COG5: variants seen among roughly 807,000 people sequenced by gnomAD.
COG5 encodes component of oligomeric golgi complex 5, also known as conserved oligomeric Golgi complex subunit 5.
Under a neutral mutation model 110.4 loss-of-function variants are expected in COG5, and 86 were observed. The ratio of observed to expected loss-of-function variants is 0.78; its 90% confidence interval spans 0.65 to 0.93. The LOEUF (loss-of-function observed/expected upper bound fraction) is 0.93, where lower values mean the gene tolerates loss of function less well. COG5 is among the 40% of genes least tolerant of loss of function. The pLI, the probability that COG5 is intolerant of heterozygous loss-of-function variation, is 0.00. For synonymous variants in COG5, 360 were observed against 334.6 expected (o/e 1.08, Z -0.83); for missense variants, 1,077 against 987.0 (o/e 1.09, Z -1.22).
In COG5 at chr7:107,305,090, C is replaced by T. The variant is rs549789909; in HGVS notation, c.1109-6744G>A. 2.0e-5 allele frequency among the ~76,000 whole-genome samples: 3 copies of T among 152,292 alleles called. No individual in the cohort carries two copies. In the South Asian group the frequency reaches 6.2e-4, roughly 32 times the overall value. On this transcript the variant is annotated intron_variant, in intron 11 of 21. Coordinates refer to ENST00000297135, the MANE Select transcript of COG5 (RefSeq NM_006348.5). Reference sequence around the variant, plus strand: ...CAGACAGGATGTGCTATTTTATGTACTTACCTGGGAGGACCTCTCTGAATG... The same window carrying T: ...CAGACAGGATGTGCTATTTTATGTATTTACCTGGGAGGACCTCTCTGAATG...
chr7:107,250,681 G>T (rs1420551904), intron 16 of COG5, among the ~76,000 whole-genome samples: 1 of 151,894 alleles, frequency 6.6e-6, no homozygotes, highest in Non-Finnish European at 1.5e-5. Context: ...TCAGTAGAGT[G>T]AATGAAAATG....
At chr7:107,250,165 G>A (rs1404292937) in intron 16 of COG5, among the ~76,000 whole-genome samples, 1 of 152,120 alleles carries the variant, frequency 6.6e-6, no homozygotes. Context: ...ACAACTATAA[G>A]GCCACGGCAG....
chr7:107,365,596 C>CAAAAAAAAAAAAAAAAA (rs71134263), intron 8 of COG5, among the ~76,000 whole-genome samples: 9 of 36,702 alleles, frequency 2.5e-4, no homozygotes, highest in Non-Finnish European at 3.5e-4. Context: ...TGCAAAATGA[C>CAAAAAAAAAAAAAAAAA]AAAAAAAAAA....
chr7:107,541,063 A>C (rs1801944453), intron 5 of COG5, among the ~76,000 whole-genome samples: 1 of 152,036 alleles, frequency 6.6e-6, no homozygotes, highest in Non-Finnish European at 1.5e-5. Flanking sequence ...AGGCAGGAGA[A>C]TCACTTGAAC....
intron 12 of COG5, among the ~76,000 whole-genome samples, chr7:107,296,000 C>T (rs1387078500): frequency 6.6e-6 from 1 of 152,030 alleles, no homozygotes; most frequent in Non-Finnish European, 1.5e-5. Context: ...ACTGTTTTGG[C>T]CAGACTGGTC....
intron 6 of COG5, among the ~76,000 whole-genome samples, chr7:107,424,768 T>C (rs1051012347): frequency 4.6e-5 from 7 of 152,180 alleles, no homozygotes; most frequent in African/African-American, 1.7e-4. Context: ...GGCTGTCCCC[T>C]ATCCAAAATC....
At chr7:107,266,255 C>G (rs911551456) in intron 14 of COG5, among the ~76,000 whole-genome samples, 2 of 152,110 alleles carry the variant, frequency 1.3e-5, no homozygotes, top group East Asian at 3.9e-4. Flanking sequence ...ATAAATGAAA[C>G]TAATTTTCTT....
intron 6 of COG5, chr7:107,472,615 TCA>T (rs1458070206): frequency 2.6e-5 from 4 of 151,990 alleles, no homozygotes; most frequent in Non-Finnish European, 5.9e-5. Context: ...TTATAGGATT[TCA>T]ATGTTAGCTA....
chr7:107,281,834 G>T (rs570171785), intron 13 of COG5, among the ~76,000 whole-genome samples: 1 of 152,198 alleles, frequency 6.6e-6, no homozygotes, highest in Admixed American at 6.5e-5. Flanking sequence ...AAGATACTCA[G>T]CTTCTGTAGA....
chr7:107,544,477 G>A (rs771145167), intron 5 of COG5, among the ~76,000 whole-genome samples: 1 of 152,138 alleles, frequency 6.6e-6, no homozygotes, highest in African/African-American at 2.4e-5. Context: ...GCAAACTCAT[G>A]ACCCACATTT....
intron 11 of COG5, among the ~76,000 whole-genome samples, chr7:107,311,356 T>C (rs1363541680): frequency 6.8e-6 from 1 of 147,600 alleles, no homozygotes; most frequent in Non-Finnish European, 1.5e-5. Flanking sequence ...ATAAGTGATA[T>C]CGAGCGTATT....
chr7:107,317,983 A>T (rs891914176), intron 11 of COG5, among the ~76,000 whole-genome samples: 27 of 152,172 alleles, frequency 1.8e-4, no homozygotes, highest in Middle Eastern at 3.2e-3. Context: ...TATAATGGTT[A>T]AAGGCTTGAA....
chr7:107,221,714 G>A (rs1000454976), intron 19 of COG5, among the ~76,000 whole-genome samples: 3 of 151,144 alleles, frequency 2.0e-5, no homozygotes, highest in East Asian at 2.0e-4. Flanking sequence ...GCAGTGAGCC[G>A]GGATCATGCC....
intron 6 of COG5, among the ~76,000 whole-genome samples, chr7:107,525,072 C>G (rs1299228243): frequency 6.6e-6 from 1 of 152,070 alleles, no homozygotes; most frequent in East Asian, 1.9e-4. Context: ...GAATTACAGG[C>G]ACACACCACC....
intron 12 of COG5, among the ~76,000 whole-genome samples, chr7:107,288,441 G>A (rs940111100): frequency 3.0e-4 from 45 of 152,076 alleles, no homozygotes; most frequent in African/African-American, 1.1e-3. Context: ...AACATATGAG[G>A]ATAGTAATTT....
At chr7:107,424,688 G>A (rs754369704) in intron 6 of COG5, among the ~76,000 whole-genome samples, 66 of 151,878 alleles carry the variant, frequency 4.3e-4, no homozygotes, top group Non-Finnish European at 8.2e-4. Context: ...GTATAAAGAC[G>A]GAAACAGATA....
chr7:107,295,725 TC>T (rs1202606375), intron 12 of COG5, among the ~76,000 whole-genome samples: 1 of 152,202 alleles, frequency 6.6e-6, no homozygotes, highest in African/African-American at 2.4e-5. Flanking sequence ...GACAATAATA[TC>T]CTATTAGTGA....
chr7:107,223,908 G>A (rs1268911215), intron 19 of COG5, among the ~76,000 whole-genome samples: 1 of 152,196 alleles, frequency 6.6e-6, no homozygotes, highest in Non-Finnish European at 1.5e-5. Flanking sequence ...ACTCAGCACA[G>A]GCTTGGTATA....
chr7:107,527,479 A>G (rs1800859607), intron 5 of COG5, 122 bp from the exon 6 acceptor site: 2 of 1,059,228 alleles, frequency 1.9e-6, no homozygotes, highest in Non-Finnish European at 2.8e-6. Context: ...ATGTTTACCT[A>G]TGTAACAAAC....
Sources: allele counts gnomAD v4.1 joint callset (sites outside exome capture counted in the v4.1 genomes callset), GRCh38; gene constraint gnomAD v4.1.1; transcripts MANE v1.5; gene names NCBI Gene and HGNC (gene_info 2026-07-23, HGNC 2026-07-21).